Variants in TTC28 observed in about 807,000 individuals in gnomAD.
The protein encoded by TTC28 is tetratricopeptide repeat domain 28.
A neutral mutation model predicts 198.0 loss-of-function variants in TTC28; 61 were observed. The observed-to-expected ratio is 0.31, with a 90% CI of 0.25 to 0.38. The LOEUF (loss-of-function observed/expected upper bound fraction) is 0.38. TTC28 is among the 10% of genes least tolerant of loss of function. The probability of loss-of-function intolerance (pLI) is 1.00; values close to 1 mark genes in which losing one functional copy is unlikely to be tolerated. For missense variants in TTC28, 2,678 were observed against 3,164.0 expected, an observed-to-expected ratio of 0.85 and a Z score of 3.69; for synonymous variants, 1,171 against 1,297.8, an observed-to-expected ratio of 0.90 and a Z score of 2.10.
chr22:28,335,561 G>C (rs1408711738), intron 2 of TTC28, among the ~76,000 whole-genome samples: 1 of 152,166 alleles, frequency 6.6e-6, no homozygotes, highest in Non-Finnish European at 1.5e-5. Context: ...CATGTCCCTT[G>C]TAAGTTGGAT....
chr22:28,082,387 T>C (rs1941401103), intron 12 of TTC28, among the ~76,000 whole-genome samples: 1 of 152,194 alleles, frequency 6.6e-6, no homozygotes. Flanking sequence ...AGCTGTGGAT[T>C]TTTCATATAT....
chr22:28,531,978 C>T (rs905464418), intron 2 of TTC28, among the ~76,000 whole-genome samples: 1 of 151,896 alleles, frequency 6.6e-6, no homozygotes, highest in Non-Finnish European at 1.5e-5. Context: ...AAATTGACAC[C>T]CTAACATCAC....
intron 4 of TTC28, among the ~76,000 whole-genome samples, chr22:28,297,365 C>A (rs2044920461): frequency 6.6e-6 from 1 of 151,542 alleles, no homozygotes; most frequent in African/African-American, 2.4e-5. Flanking sequence ...TACACCACAC[C>A]CAGCTATTTT....
At chr22:28,671,362 G>A (rs930051913) in intron 1 of TTC28, among the ~76,000 whole-genome samples, 15 of 151,974 alleles carry the variant, frequency 9.9e-5, no homozygotes, top group East Asian at 1.9e-4. Flanking sequence ...TTGGCCGGGC[G>A]CGGTGGCTCA....
chr22:28,261,519 T>G (rs1310952807), intron 5 of TTC28, among the ~76,000 whole-genome samples: 1 of 152,142 alleles, frequency 6.6e-6, no homozygotes, highest in Non-Finnish European at 1.5e-5. Context: ...GAAGCTACTC[T>G]GATAGTTTTG....
chr22:27,993,622 C>T lies in TTC28; in HGVS notation c.5245-104G>A, dbSNP rs924382286. 41 of 1,198,804 alleles carry T rather than the reference C, an allele frequency of 3.4e-5. 1 individual carries two copies. Among genetic ancestry groups the T allele is most frequent in the Non-Finnish European group, 4.6e-5 (40 of 873,690 alleles). 74.3% of individuals were successfully genotyped at this position (1,198,804 alleles called of 1,614,324 possible). On this transcript the variant is annotated intron_variant, in intron 17 of 22. Coordinates refer to ENST00000397906, the MANE Select transcript of TTC28 (RefSeq NM_001145418.2). Reference sequence around the variant, plus strand: ...CCCCAGGGTGAAGCCAGGCTGACTGCTGCAACCCCACATAGCCCACGTGGC... The same window carrying T: ...CCCCAGGGTGAAGCCAGGCTGACTGTTGCAACCCCACATAGCCCACGTGGC...
chr22:28,200,415 G>A (rs1237666374), intron 5 of TTC28, among the ~76,000 whole-genome samples: 1 of 152,076 alleles, frequency 6.6e-6, no homozygotes, highest in Non-Finnish European at 1.5e-5. Flanking sequence ...AATTCAAACA[G>A]TTTTATTTTC....
chr22:27,985,494 C>G lies in TTC28; in HGVS notation c.5708-138G>C, dbSNP rs1386179666. The G allele has an allele frequency of 4.6e-6, 3 of 655,094 alleles. No individual in the cohort carries two copies. The African/African-American group carries it at 5.5e-5, about 12-fold the overall frequency. The allele number at this position is 655,094 out of a possible 1,614,324, so 40.6% of individuals were successfully genotyped here. A position where few individuals can be genotyped will look rare whatever the true frequency, so the allele number is the denominator to read the frequency against. ...AGCAAGCATTTGGGCCTGGGGCTTC[C>G]CCATGTCTGCACAGAGGTTGGTCAT... On this transcript the variant is annotated intron_variant, in intron 21 of 22. Transcript: ENST00000397906.
At chr22:28,401,095 G>C (rs529178827) in intron 2 of TTC28, among the ~76,000 whole-genome samples, 1 of 151,868 alleles carries the variant, frequency 6.6e-6, no homozygotes, top group Admixed American at 6.6e-5. Context: ...TGATAAGAAA[G>C]ATGGTACAGA....
At chr22:28,292,130 A>C (rs1265450600) in intron 5 of TTC28, among the ~76,000 whole-genome samples, 1 of 152,102 alleles carries the variant, frequency 6.6e-6, no homozygotes, top group Non-Finnish European at 1.5e-5. Context: ...TGTTATACAT[A>C]GGCTTATAAT....
At chr22:28,153,587 G>GA (rs1214131951) in intron 6 of TTC28, among the ~76,000 whole-genome samples, 2 of 151,914 alleles carry the variant, frequency 1.3e-5, no homozygotes, top group African/African-American at 2.4e-5. Context: ...CTTGTTGAAT[G>GA]AAAAACCATA....
At chr22:28,091,416 T>C (rs1213699303) in intron 12 of TTC28, among the ~76,000 whole-genome samples, 1 of 152,242 alleles carries the variant, frequency 6.6e-6, no homozygotes, top group Non-Finnish European at 1.5e-5. Context: ...ATGACTTGGA[T>C]GTGGTCCCCA....
chr22:28,153,423 C>CGTTTTTT (rs1278781141), intron 6 of TTC28, among the ~76,000 whole-genome samples: 16 of 135,474 alleles, frequency 1.2e-4, no homozygotes, highest in Non-Finnish European at 2.2e-4. Context: ...AAAAAACCTT[C>CGTTTTTT]GTTTTTTGTT....
At chr22:28,562,441 C>T (rs2049899546) in intron 2 of TTC28, among the ~76,000 whole-genome samples, 1 of 152,054 alleles carries the variant, frequency 6.6e-6, no homozygotes, top group Non-Finnish European at 1.5e-5. Context: ...TCTGAGAGGA[C>T]AAGGTAAGGT....
intron 5 of TTC28, among the ~76,000 whole-genome samples, chr22:28,295,739 T>C (rs952393799): frequency 6.6e-6 from 1 of 152,218 alleles, no homozygotes; most frequent in Non-Finnish European, 1.5e-5. Context: ...GATATTTCTT[T>C]ACCAGTATGA....
intron 2 of TTC28, among the ~76,000 whole-genome samples, chr22:28,578,387 C>T (rs1306645497): frequency 6.6e-6 from 1 of 152,036 alleles, no homozygotes; most frequent in Non-Finnish European, 1.5e-5. Flanking sequence ...GAGTAGTTTA[C>T]ACCACTGGCA....
At chr22:28,109,760 T>A (rs1282352943) in intron 6 of TTC28, among the ~76,000 whole-genome samples, 2 of 152,350 alleles carry the variant, frequency 1.3e-5, no homozygotes, top group Middle Eastern at 6.8e-3. Context: ...GAAGCTAGTA[T>A]GCAAACAGGT....
chr22:28,502,942 T>C (rs1181851606), intron 2 of TTC28, among the ~76,000 whole-genome samples: 1 of 152,162 alleles, frequency 6.6e-6, no homozygotes, highest in Non-Finnish European at 1.5e-5. Context: ...ACCTGACAGA[T>C]TTTTTCTAAT....
At chr22:28,535,759 T>C (rs2049254327) in intron 2 of TTC28, among the ~76,000 whole-genome samples, 1 of 152,040 alleles carries the variant, frequency 6.6e-6, no homozygotes, top group Admixed American at 6.6e-5. Flanking sequence ...CACCTCCCAC[T>C]TCACTCCCTC....
Sources: gnomAD v4.1 joint callset for allele counts (sites outside exome capture counted in the v4.1 genomes callset) on GRCh38, gnomAD v4.1.1 for gene constraint, MANE v1.5 for transcripts, NCBI Gene and HGNC (gene_info 2026-07-23, HGNC 2026-07-21) for gene names.